Variants in KCMF1 observed in about 807,000 individuals in gnomAD.
The protein encoded by KCMF1 is E3 ubiquitin-protein ligase KCMF1.
A neutral mutation model predicts 41.1 loss-of-function variants in KCMF1; 3 were observed. That is an observed-to-expected ratio of 0.07 (90% CI 0.03 to 0.19). KCMF1 has a LOEUF of 0.19. Among genes scored for constraint, KCMF1 ranks in the 10% least tolerant of loss-of-function variants. KCMF1 has a pLI of 1.00. For synonymous variants in KCMF1, 142 were observed against 164.5 expected (o/e 0.86, Z 1.04); for missense variants, 286 against 488.9 (o/e 0.58, Z 3.91).
chr2:85,036,947 A>G (rs142160515), intron 3 of KCMF1, among the ~76,000 whole-genome samples: 1 of 151,370 alleles, frequency 6.6e-6, no homozygotes, highest in South Asian at 2.1e-4. Flanking sequence ...GGGCAAGGCA[A>G]CTCCTCAGTT....
chr2:85,045,999 A>G, intron 4 of KCMF1, 105 bp from the exon 5 acceptor site: 1 of 937,986 alleles, frequency 1.1e-6, no homozygotes, highest in Non-Finnish European at 1.6e-6. Flanking sequence ...TGCTGTTTTT[A>G]AATGCTTACA....
At position 84,988,716 on chromosome 2, in the gene KCMF1, A is replaced by G. The variant is rs532482842; in HGVS notation, c.16+17249A>G. ...ATTTGTCGTAGGTCCCATAGGTAGT[A>G]AGAGAGAAAGCCAGGATTTTTAATC... On this transcript the variant is annotated intron_variant, in intron 1 of 6. Coordinates refer to ENST00000409785, the MANE Select transcript of KCMF1 (RefSeq NM_020122.5). 6.6e-5 allele frequency among the ~76,000 whole-genome samples: 10 copies of G among 152,352 alleles called. No individual in the cohort carries two copies. The South Asian group carries it at 2.1e-3, about 32-fold the overall frequency.
At chr2:85,001,000 T>A (rs1674313052) in intron 1 of KCMF1, among the ~76,000 whole-genome samples, 1 of 151,032 alleles carries the variant, frequency 6.6e-6, no homozygotes, top group Non-Finnish European at 1.5e-5. Flanking sequence ...TTCTTTTTTG[T>A]CTTTTTTTTG....
rs1159898360 is a variant in KCMF1, at chr2:85,056,344, T to A, written c.*2935T>A. On this transcript the variant is annotated 3_prime_UTR_variant, in exon 7 of 7. Coordinates refer to ENST00000409785, the MANE Select transcript of KCMF1 (RefSeq NM_020122.5). ...CTCAATATTAGAAATTTCAATAATA[T>A]GCTGACAGATTTTCAAAGGTCACCA... The A allele has an allele frequency of 2.0e-5, 3 of 152,162 alleles. No homozygotes were observed. The highest frequency in any genetic ancestry group is 7.2e-5 in the African/African-American group (3 of 41,444). 9.4% of individuals were successfully genotyped at this position (152,162 alleles called of 1,614,324 possible).
intron 5 of KCMF1, among the ~76,000 whole-genome samples, chr2:85,046,629 CAAAA>C (rs1252387892): frequency 1.3e-5 from 1 of 76,762 alleles, no homozygotes. Context: ...GACCCTGTCT[CAAAA>C]AAAAAAAAAA....
At chr2:85,002,134 AAATTGTTAC>A (rs1361872853) in intron 1 of KCMF1, among the ~76,000 whole-genome samples, 1 of 152,194 alleles carries the variant, frequency 6.6e-6, no homozygotes, top group Non-Finnish European at 1.5e-5. Context: ...TGCAAATACA[AAATTGTTAC>A]TTTCCTAGTA....
chr2:85,031,248 T>C (rs1205355649), intron 2 of KCMF1, among the ~76,000 whole-genome samples: 1 of 152,220 alleles, frequency 6.6e-6, no homozygotes, highest in African/African-American at 2.4e-5. Context: ...TTAATAATAT[T>C]AAATCTGCTG....
intron 5 of KCMF1, 123 bp downstream of exon 5, chr2:85,046,401 G>A (rs1162632711): frequency 3.6e-5 from 24 of 675,508 alleles, no homozygotes; most frequent in African/African-American, 1.5e-4. Context: ...AGGCTGGAGC[G>A]GGTGGATCAC....
chr2:85,008,372 TATG>T (rs1674558534), intron 1 of KCMF1, among the ~76,000 whole-genome samples: 10 of 91,576 alleles, frequency 1.1e-4, no homozygotes, highest in Non-Finnish European at 1.3e-4. Context: ...TTATATATCA[TATG>T]ATATATTATA....
At position 85,058,887 on chromosome 2, in the gene KCMF1, A is replaced by G. The variant is rs796497431; in HGVS notation, c.*5478A>G. On this transcript the variant is annotated 3_prime_UTR_variant, in exon 7 of 7. Coordinates refer to ENST00000409785, the MANE Select transcript of KCMF1 (RefSeq NM_020122.5). ...TCATTTAATAGTGAAGCCAGCCCAG[A>G]AGCATCCTCTTCTGTAAGCTGGATG... 2.2e-4 allele frequency: 34 copies of G among 152,296 alleles called. No homozygotes were observed. Among genetic ancestry groups the G allele is most frequent in the African/African-American group, 7.9e-4 (33 of 41,568 alleles). The allele number at this position is 152,296 out of a possible 1,614,324, so 9.4% of individuals were successfully genotyped here.
At chr2:84,974,619 C>A (rs1673484887) in intron 1 of KCMF1, among the ~76,000 whole-genome samples, 1 of 126,968 alleles carries the variant, frequency 7.9e-6, no homozygotes, top group Admixed American at 8.9e-5. Flanking sequence ...GGCTCTGTTC[C>A]AATTAAAACT....
intron 1 of KCMF1, among the ~76,000 whole-genome samples, chr2:85,021,267 T>C (rs376035662): frequency 6.6e-6 from 1 of 152,206 alleles, no homozygotes; most frequent in South Asian, 2.1e-4. Context: ...AAGGATATTT[T>C]GAAAACTAAT....
intron 1 of KCMF1, among the ~76,000 whole-genome samples, chr2:85,016,281 C>T (rs888600559): frequency 4.6e-5 from 7 of 152,102 alleles, no homozygotes; most frequent in South Asian, 2.1e-4. Context: ...TGTGTTTGTA[C>T]GGGTCTCGAT....
At chr2:85,031,407 C>CT (rs1029436648) in intron 2 of KCMF1, among the ~76,000 whole-genome samples, 2 of 152,112 alleles carry the variant, frequency 1.3e-5, no homozygotes, top group African/African-American at 2.4e-5. Flanking sequence ...TCAGCTTATG[C>CT]TTTTTTTATC....
intron 1 of KCMF1, among the ~76,000 whole-genome samples, chr2:85,012,315 G>GT: frequency 6.6e-6 from 1 of 152,120 alleles, no homozygotes; most frequent in East Asian, 1.9e-4. Flanking sequence ...TGAGTGAACT[G>GT]TTTTTTGTGT....
chr2:84,999,377 T>C (rs984454502), intron 1 of KCMF1, among the ~76,000 whole-genome samples: 4 of 152,092 alleles, frequency 2.6e-5, no homozygotes, highest in African/African-American at 9.7e-5. Context: ...GGTCTTGAAC[T>C]CCTGAATTCG....
intron 2 of KCMF1, 119 bp downstream of exon 2, chr2:85,028,175 C>G: frequency 1.6e-6 from 1 of 626,376 alleles, no homozygotes; most frequent in East Asian, 2.9e-5. Context: ...ATTCATTAAA[C>G]ATGAAATAAA....
intron 3 of KCMF1, among the ~76,000 whole-genome samples, chr2:85,038,862 A>G (rs1675461406): frequency 6.6e-6 from 1 of 152,208 alleles, no homozygotes; most frequent in African/African-American, 2.4e-5. Context: ...CCCAGTTTGA[A>G]GAAATAATGA....
At chr2:85,000,075 A>G (rs887585906) in intron 1 of KCMF1, among the ~76,000 whole-genome samples, 1 of 152,228 alleles carries the variant, frequency 6.6e-6, no homozygotes, top group Non-Finnish European at 1.5e-5. Context: ...TAAGTTCAAT[A>G]TTTAATTTTT....
Sources: gnomAD v4.1 joint callset for allele counts (sites outside exome capture counted in the v4.1 genomes callset) on GRCh38, gnomAD v4.1.1 for gene constraint, MANE v1.5 for transcripts, NCBI Gene and HGNC (gene_info 2026-07-23, HGNC 2026-07-21) for gene names.